The following HMCN2 variants were observed in gnomAD, a reference collection of about 807,000 sequenced individuals.
The protein encoded by HMCN2 is hemicentin 2.
HMCN2 carries 325 observed loss-of-function variants against 377.5 expected under a neutral mutation model. The ratio of observed to expected loss-of-function variants is 0.86; its 90% CI spans 0.79 to 0.94. The LOEUF is 0.94. Among genes scored for constraint, HMCN2 ranks in the 40% least tolerant of loss-of-function variants. The pLI, the probability that HMCN2 is intolerant of heterozygous loss-of-function variation, is 0.00. For synonymous variants in HMCN2, 2,007 were observed against 2,046.8 expected (o/e 0.98, Z 0.53); for missense variants, 4,543 against 4,725.3 (o/e 0.96, Z 1.13).
rs1840802737 is a variant in HMCN2, at chr9:130,368,248, C to T, written c.6626-28C>T. The T allele has an allele frequency of 9.1e-6, 9 of 985,236 alleles. 1 individual carries two copies. The South Asian group carries it at 3.8e-4, about 41-fold the overall frequency. 61.0% of individuals were successfully genotyped at this position (985,236 alleles called of 1,614,324 possible). A position where few individuals can be genotyped will look rare whatever the true frequency, so the allele number is the denominator to read the frequency against. The stretch of plus-strand genomic sequence containing the variant: ...ATCACGTCCTTGCAAATGCCCTGGA[C>T]CAGGAGTTTCTTTTTTCCTGCACCC... On this transcript the variant is annotated intron_variant, in intron 43 of 97. Transcript: ENST00000683500.
At chr9:130,382,632 C>CCCCCGGG in intron 55 of HMCN2, 47 bp from the exon 56 acceptor site, 1 of 733,590 alleles carries the variant, frequency 1.4e-6, no homozygotes, top group Non-Finnish European at 1.7e-6. Flanking sequence ...CACCCCCGCC[C>CCCCCGGG]CCAGGGACCT....
At position 130,395,305 on chromosome 9, in the gene HMCN2, A is replaced by G; in HGVS notation, c.10869A>G (p.Pro3623=). The change falls in exon 71 of 98, where the codon CCA becomes CCG. Residue 3623 remains proline (P), a synonymous_variant. Transcript: ENST00000683500. ...LVLECSVEAE[P]APKITWHRDG... ...TGGAGTGTTCGGTGGAGGCAGAGCCAGCGCCCAAGATCACGTGGCACCGAG... is the reference window on the plus strand; with the variant it reads ...TGGAGTGTTCGGTGGAGGCAGAGCCGGCGCCCAAGATCACGTGGCACCGAG... 7.8e-7 allele frequency: 1 copy of G among 1,289,352 alleles called. No homozygotes were observed. Among genetic ancestry groups the G allele is most frequent in the African/African-American group, 1.5e-5 (1 of 65,872 alleles). 79.9% of individuals were successfully genotyped at this position (1,289,352 alleles called of 1,614,324 possible). A position where few individuals can be genotyped will look rare whatever the true frequency, so the allele number is the denominator to read the frequency against.
chr9:130,432,264 C>T (rs1303565749), intron 96 of HMCN2, among the ~76,000 whole-genome samples, 165 bp from the exon 97 acceptor site: 17 of 152,162 alleles, frequency 1.1e-4, no homozygotes, highest in Admixed American at 9.8e-4. Flanking sequence ...GAAGGTGCTG[C>T]GGGCCTCCAG....
chr9:130,385,731 G>A lies in HMCN2; in HGVS notation c.9278G>A (p.Gly3093Asp). Residue 3093 changes from glycine (G) to aspartate (D), a missense_variant, in exon 60 of 98, where the codon GGT becomes GAT. Around this residue, in one of 5 missense-constraint regions of HMCN2, gnomAD observed 736 missense variants for 773.2 expected, o/e 0.95. Transcript: ENST00000683500. ...VLAQRTQALR[G>D]GQRLEIQEAQ... ...GCACAGCGGACCCAGGCTCTGCGGG[G>A]TGGGCAGAGGCTGGAGATCCAGGAA... The A allele has an allele frequency of 3.8e-6, 5 of 1,304,100 alleles. No individual in the cohort carries two copies. The highest frequency in any genetic ancestry group is 4.0e-6 in the Non-Finnish European group (4 of 988,904). The allele number at this position is 1,304,100 out of a possible 1,614,324, so 80.8% of individuals were successfully genotyped here.
At chr9:130,334,759 TTCTCTCTCTCTC>T (rs1179524224) in intron 22 of HMCN2, among the ~76,000 whole-genome samples, 1 of 136,002 alleles carries the variant, frequency 7.4e-6, no homozygotes, top group South Asian at 2.7e-4. Context: ...TCTCTCTCTC[TTCTCTCTCTCTC>T]TCTCTCTCCC....
rs1298812349 is a variant in HMCN2, at chr9:130,431,466, C to G, written c.14747C>G (p.Pro4916Arg). 1 of 1,549,800 alleles carries G rather than the reference C, an allele frequency of 6.5e-7. No homozygotes were observed. ...CLCPAGYRLLPSGKNCQDINE... is the reference protein window; with the variant it reads ...CLCPAGYRLLRSGKNCQDINE... Reference sequence around the variant, plus strand: ...TGCCCCGCCGGCTACCGTCTGCTCCCCAGCGGGAAGAACTGCCAGGGTGAG... The same window carrying G: ...TGCCCCGCCGGCTACCGTCTGCTCCGCAGCGGGAAGAACTGCCAGGGTGAG... The change falls in exon 96 of 98, where the codon CCC (proline) becomes CGC (arginine). Residue 4916 changes from proline (P) to arginine (R), a missense_variant. This residue lies in a region of HMCN2 where 1,155 missense variants were observed against 1,157.7 expected (regional missense o/e 1.00). Coordinates refer to ENST00000683500, the MANE Select transcript of HMCN2 (RefSeq NM_001291815.2).
Position 130,391,362 on chromosome 9 carries a change from C to T in HMCN2, c.9826C>T (p.Arg3276Trp), listed in dbSNP as rs954186918. ...PLGQDMGPHLRFYLDGGSLVL... is the reference protein window; with the variant it reads ...PLGQDMGPHLWFYLDGGSLVL... ...GGGCCAGGACATGGGCCCCCACCTC[C>T]GGTAAGACTTGGCCCATGCCCTCCC... Residue 3276 changes from arginine to tryptophan, a missense_variant and splice_region_variant, in exon 64 of 98, where the codon CGG (arginine) becomes TGG (tryptophan). Physicochemically the swap from Arg to Trp is moderately radical, Grantham distance 101 (BLOSUM62 -3). Transcript: ENST00000683500. 2.0e-5 allele frequency: 20 copies of T among 987,568 alleles called. No homozygotes were observed. The highest frequency in any genetic ancestry group is 2.3e-4 in the East Asian group (2 of 8,812). 61.2% of individuals were successfully genotyped at this position (987,568 alleles called of 1,614,324 possible). A position where few individuals can be genotyped will look rare whatever the true frequency, so the allele number is the denominator to read the frequency against.
chr9:130,366,059 C>T, intron 43 of HMCN2, 64 bp downstream of exon 43: 1 of 981,634 alleles, frequency 1.0e-6, no homozygotes, highest in South Asian at 4.7e-5. Context: ...ATGCCCAGTC[C>T]CCACTGGTTA....
rs1176489421 is a variant in HMCN2, at chr9:130,395,017, C to G, written c.10693-10C>G. 24 of 1,282,026 alleles carry G rather than the reference C, an allele frequency of 1.9e-5. No homozygotes were observed. The highest frequency in any genetic ancestry group is 2.1e-5 in the Non-Finnish European group (21 of 984,272). The allele number at this position is 1,282,026 out of a possible 1,614,324, so 79.4% of individuals were successfully genotyped here. On this transcript the variant is annotated splice_polypyrimidine_tract_variant and intron_variant, in intron 69 of 97. Transcript: ENST00000683500. ...GCCAGGGGCAGCTGCTCAACCCGCT[C>G]CATCCCCAGGTTAGGGATGCTGGGC...
chr9:130,282,601 G>A (rs1332635984), intron 1 of HMCN2, among the ~76,000 whole-genome samples: 1 of 152,224 alleles, frequency 6.6e-6, no homozygotes, highest in Non-Finnish European at 1.5e-5. Context: ...CAGAGGGGCC[G>A]GGGCCACGGG....
chr9:130,307,279 C>T (rs1184453710), intron 13 of HMCN2, among the ~76,000 whole-genome samples, 174 bp from the exon 14 acceptor site: 3 of 152,052 alleles, frequency 2.0e-5, no homozygotes, highest in African/African-American at 4.8e-5. Context: ...ACTATGGGAA[C>T]AGGGTCATAG....
intron 15 of HMCN2, among the ~76,000 whole-genome samples, chr9:130,311,677 C>T (rs1302736670): frequency 2.6e-5 from 4 of 152,112 alleles, no homozygotes; most frequent in Non-Finnish European, 4.4e-5. Context: ...AGAAAGATGA[C>T]GAGCTGGGGA....
At chr9:130,378,040 T>A (rs368802481) in intron 53 of HMCN2, among the ~76,000 whole-genome samples, 1 of 152,194 alleles carries the variant, frequency 6.6e-6, no homozygotes, top group African/African-American at 2.4e-5. Flanking sequence ...GAGCCTGGAA[T>A]GGTCTGGTTG....
intron 40 of HMCN2, among the ~76,000 whole-genome samples, chr9:130,364,477 G>C (rs1287234067): frequency 6.6e-6 from 1 of 152,244 alleles, no homozygotes; most frequent in Non-Finnish European, 1.5e-5. Flanking sequence ...AAATAACACA[G>C]GGGGACCCTG....
rs570399651 is a variant in HMCN2 at position 130,357,852 on chromosome 9, T to C, written c.5444T>C (p.Ile1815Thr). ...VSVHEFPSVS[I>T]IGGENITAPF... is the part of the protein sequence containing the mutation. ...TTCCCAGAGTTCCCATCGGTCAGTATCATTGGGGGTGAGAACATCACAGCT... is the reference window on the plus strand; with the variant it reads ...TTCCCAGAGTTCCCATCGGTCAGTACCATTGGGGGTGAGAACATCACAGCT... The change falls in exon 35 of 98, where the codon ATC (isoleucine) becomes ACC (threonine). Residue 1815 changes from isoleucine (I) to threonine (T), a missense_variant. Transcript: ENST00000683500. 2.3e-6 allele frequency: 3 copies of C among 1,303,846 alleles called. No individual in the cohort carries two copies. The highest frequency in any genetic ancestry group is 3.0e-6 in the Non-Finnish European group (3 of 988,756). The allele number at this position is 1,303,846 out of a possible 1,614,324, so 80.8% of individuals were successfully genotyped here. A position where few individuals can be genotyped will look rare whatever the true frequency, so the allele number is the denominator to read the frequency against.
chr9:130,363,042 G>T, intron 40 of HMCN2, 52 bp downstream of exon 40: 1 of 985,766 alleles, frequency 1.0e-6, no homozygotes. Flanking sequence ...GGGGAGATGG[G>T]GTGGGGGGCA....
At position 130,418,977 on chromosome 9, in the gene HMCN2, C is replaced by T. The variant is rs769812800; in HGVS notation, c.13167C>T (p.Thr4389=). Residue 4389 remains threonine, a synonymous_variant, in exon 86 of 98, where the codon ACC becomes ACT. Coordinates refer to ENST00000683500, the MANE Select transcript of HMCN2 (RefSeq NM_001291815.2). The part of the protein sequence containing the change: ...LENVETGDAG[T]YDCVAHNLLG... ...ACGTGGAGACTGGGGATGCAGGCACCTACGACTGCGTCGCTCACAACCTCC... is the reference window on the plus strand; with the variant it reads ...ACGTGGAGACTGGGGATGCAGGCACTTACGACTGCGTCGCTCACAACCTCC... 9 of 1,519,852 alleles carry T rather than the reference C, an allele frequency of 5.9e-6. No homozygotes were observed. In the South Asian group the frequency reaches 7.5e-5, roughly 13 times the overall value. 94.1% of individuals were successfully genotyped at this position (1,519,852 alleles called of 1,614,324 possible).
In HMCN2 at chr9:130,422,860, C is replaced by T. The variant is rs1309504993; in HGVS notation, c.13381+134C>T. On this transcript the variant is annotated intron_variant, in intron 87 of 97. Coordinates refer to ENST00000683500, the MANE Select transcript of HMCN2 (RefSeq NM_001291815.2). This position sits in a 1 kb window ranked among gnomAD's most constrained non-coding sequence, Gnocchi z 4.2. ...TGCTCAAGGCCTGATGACCAGAGCA[C>T]GTCTGACCATCTCTCAAAGCTGAGT... The T allele has an allele frequency of 5.8e-6, 4 of 684,902 alleles. No homozygotes were observed. Among genetic ancestry groups the T allele is most frequent in the South Asian group, 7.4e-5 (1 of 13,428 alleles). 42.4% of individuals were successfully genotyped at this position (684,902 alleles called of 1,614,324 possible). A position where few individuals can be genotyped will look rare whatever the true frequency, so the allele number is the denominator to read the frequency against.
At chr9:130,296,605 C>T (rs1350568607) in intron 6 of HMCN2, 69 bp from the exon 7 acceptor site, 1 of 446,490 alleles carries the variant, frequency 2.2e-6, no homozygotes, top group African/African-American at 2.0e-5. Flanking sequence ...TCAGGTTGGT[C>T]ACCTCCTGCC....
Sources: gnomAD v4.1 joint callset for allele counts (sites outside exome capture counted in the v4.1 genomes callset) on GRCh38, gnomAD v4.1.1 for gene constraint, gnomAD v4.1.1 regional missense constraint, Gnocchi (gnomAD v3.1) non-coding constraint, MANE v1.5 for transcripts, NCBI Gene and HGNC (gene_info 2026-07-23, HGNC 2026-07-21) for gene names.